The following RAP1GAP2 variants were observed in gnomAD, a reference collection of about 807,000 sequenced individuals.
RAP1GAP2 encodes RAP1 GTPase activating protein 2.
Under a neutral mutation model 95.0 loss-of-function variants are expected in RAP1GAP2, and 27 were observed. That is an observed-to-expected ratio of 0.28 (90% CI 0.21 to 0.39). The LOEUF is 0.39. Among genes scored for constraint, RAP1GAP2 ranks in the 10% least tolerant of loss-of-function variants. The probability of loss-of-function intolerance (pLI) is 1.00; values close to 1 mark genes in which losing one functional copy is unlikely to be tolerated. For missense variants in RAP1GAP2, 771 were observed against 970.0 expected (o/e 0.79, Z 2.72); for synonymous variants, 373 against 380.9 (o/e 0.98, Z 0.24).
intron 1 of RAP1GAP2, among the ~76,000 whole-genome samples, chr17:2,779,263 G>A (rs1224566192): frequency 6.6e-6 from 1 of 152,236 alleles, no homozygotes; most frequent in African/African-American, 2.4e-5. Context: ...TTAGCTGGGT[G>A]TTTTAAGTGT....
chr17:2,943,678 C>CAAA (rs59361947), intron 3 of RAP1GAP2, among the ~76,000 whole-genome samples: 4 of 151,756 alleles, frequency 2.6e-5, no homozygotes, highest in African/African-American at 9.7e-5. Flanking sequence ...AACAAACAAA[C>CAAA]AAAAAAAAAC....
Position 2,937,989 on chromosome 17 carries a change from C to T in RAP1GAP2, c.166-19770C>T, listed in dbSNP as rs552010635. Among the ~76,000 whole-genome samples, 218 of 152,172 alleles carry T rather than the reference C, an allele frequency of 1.4e-3. 1 individual carries two copies. The highest frequency in any genetic ancestry group is 2.5e-3 in the Non-Finnish European group (170 of 68,034). ...GAGCTGAAGCAAGCACAGGATAGGG[C>T]TGTGCTGGAGAGAGGAGACGGGCTT... On this transcript the variant is annotated intron_variant, in intron 3 of 24. Coordinates refer to ENST00000254695, the MANE Select transcript of RAP1GAP2 (RefSeq NM_015085.5).
chr17:2,806,303 G>T (rs1054576671), intron 2 of RAP1GAP2, among the ~76,000 whole-genome samples: 1 of 152,130 alleles, frequency 6.6e-6, no homozygotes, highest in African/African-American at 2.4e-5. Flanking sequence ...AGTGTCAGCT[G>T]CTGGAGACAT....
chr17:3,027,206 G>A lies in RAP1GAP2; in HGVS notation c.2107+136G>A. 8.9e-7 allele frequency: 1 copy of A among 1,128,360 alleles called. No individual in the cohort carries two copies. The highest frequency in any genetic ancestry group is 1.2e-6 in the Non-Finnish European group (1 of 830,390). The allele number at this position is 1,128,360 out of a possible 1,614,324, so 69.9% of individuals were successfully genotyped here. ...CCAGCTGTGAGGCCCTCCGCTCTGT[G>A]CGCCCGCCTCTTCTGTTCATCAGCC... On this transcript the variant is annotated intron_variant, in intron 22 of 24. Coordinates refer to ENST00000254695, the MANE Select transcript of RAP1GAP2 (RefSeq NM_015085.5). This position sits in a 1 kb window ranked among gnomAD's most constrained non-coding sequence, Gnocchi z 5.2.
At chr17:2,781,654 AGGT>A (rs2068654248) in intron 1 of RAP1GAP2, among the ~76,000 whole-genome samples, 1 of 126,226 alleles carries the variant, frequency 7.9e-6, no homozygotes, top group South Asian at 2.5e-4. Context: ...CTGTGTGTGC[AGGT>A]CTCTGTGTGG....
chr17:2,766,583 T>C (rs1468888637), intron 1 of RAP1GAP2, among the ~76,000 whole-genome samples: 1 of 151,372 alleles, frequency 6.6e-6, no homozygotes, highest in Non-Finnish European at 1.5e-5. Context: ...GCACTCCAGC[T>C]CAGGTGACAG....
upstream of RAP1GAP2, among the ~76,000 whole-genome samples, chr17:2,775,062 C>A (rs370171332): frequency 3.3e-5 from 5 of 151,414 alleles, no homozygotes; most frequent in East Asian, 5.9e-4. Context: ...GAACTCCTGA[C>A]CTTAAATGAT....
At chr17:2,757,026 C>T (rs2151752204) in intron 1 of RAP1GAP2, among the ~76,000 whole-genome samples, 1 of 152,324 alleles carries the variant, frequency 6.6e-6, no homozygotes, top group South Asian at 2.1e-4. Flanking sequence ...CAGGAGGTGC[C>T]AATGGGTTTC....
At chr17:2,852,179 T>C (rs952052259) in intron 2 of RAP1GAP2, among the ~76,000 whole-genome samples, 13 of 152,314 alleles carry the variant, frequency 8.5e-5, no homozygotes, top group Admixed American at 3.3e-4. Context: ...TTTATTCTTT[T>C]TCCAGACCAA....
chr17:2,995,721 G>GT (rs1422566942), intron 13 of RAP1GAP2, among the ~76,000 whole-genome samples: 1 of 150,518 alleles, frequency 6.6e-6, no homozygotes, highest in Non-Finnish European at 1.5e-5. Flanking sequence ...CAGAGCTTGT[G>GT]TTTCTTCCAC....
At chr17:2,996,273 G>A (rs1423406547) in intron 13 of RAP1GAP2, among the ~76,000 whole-genome samples, 2 of 152,174 alleles carry the variant, frequency 1.3e-5, no homozygotes, top group African/African-American at 4.8e-5. Flanking sequence ...CCCGTTTGCT[G>A]CTCTGACAGC....
intron 3 of RAP1GAP2, among the ~76,000 whole-genome samples, chr17:2,920,026 T>TTTTG (rs2042703914): frequency 7.0e-6 from 1 of 142,092 alleles, no homozygotes; most frequent in Non-Finnish European, 1.5e-5. Flanking sequence ...TTTTTTTTTT[T>TTTTG]GAGACAGGTT....
intron 3 of RAP1GAP2, among the ~76,000 whole-genome samples, chr17:2,952,981 T>C (rs970407942): frequency 3.3e-5 from 5 of 151,790 alleles, no homozygotes; most frequent in African/African-American, 1.2e-4. Flanking sequence ...ATTTTTGTTA[T>C]TTTTAGTAGA....
At chr17:2,973,005 T>C (rs982844367) in intron 8 of RAP1GAP2, among the ~76,000 whole-genome samples, 17 of 152,174 alleles carry the variant, frequency 1.1e-4, no homozygotes, top group Non-Finnish European at 2.2e-4. Flanking sequence ...GGGATCATTA[T>C]AGGCTAGTGA....
rs1475267891 is a variant in RAP1GAP2 at position 2,820,891 on chromosome 17, G to GTTTTTTTTT, written c.80+20341_80+20342insTTTTTTTTT. Among the ~76,000 whole-genome samples the GTTTTTTTTT allele has an allele frequency of 1.2e-3, 134 of 113,952 alleles. 1 individual carries two copies. Among genetic ancestry groups the GTTTTTTTTT allele is most frequent in the Admixed American group, 2.0e-3 (20 of 9,796 alleles). 74.8% of individuals were successfully genotyped at this position (113,952 alleles called of 152,430 possible). A position where few individuals can be genotyped will look rare whatever the true frequency, so the allele number is the denominator to read the frequency against. ...TGCCCGCCACCACGGCCCGGATAAT[G>GTTTTTTTTT]GTTTTTTTTTTTTTTTTTGTATTTT... On this transcript the variant is annotated intron_variant, in intron 2 of 24. Transcript: ENST00000254695.
Position 2,963,220 on chromosome 17 carries a change from G to A in RAP1GAP2, c.247-210G>A. The A allele has an allele frequency of 1.6e-6, 1 of 635,154 alleles. No homozygotes were observed. The highest frequency in any genetic ancestry group is 2.8e-5 in the East Asian group (1 of 36,192). 39.3% of individuals were successfully genotyped at this position (635,154 alleles called of 1,614,324 possible). ...AGCACCTTCGGACACTGCATCATCAGCTGGCAGGGTTTATGTTTGGGTTCT... is the reference window on the plus strand; with the variant it reads ...AGCACCTTCGGACACTGCATCATCAACTGGCAGGGTTTATGTTTGGGTTCT... On this transcript the variant is annotated intron_variant, in intron 5 of 24. Transcript: ENST00000254695. This position sits in a 1 kb window ranked among gnomAD's most constrained non-coding sequence, Gnocchi z 4.8.
intron 1 of RAP1GAP2, among the ~76,000 whole-genome samples, chr17:2,791,350 G>A (rs561913112): frequency 3.6e-4 from 55 of 152,240 alleles, no homozygotes; most frequent in Non-Finnish European, 5.6e-4. Flanking sequence ...AGCAGGCTCT[G>A]GGAAGCGTTT....
chr17:2,964,991 T>C (rs1181876829), intron 7 of RAP1GAP2: 2 of 154,702 alleles, frequency 1.3e-5, no homozygotes, highest in South Asian at 2.0e-4. Context: ...TGGGGAGCTG[T>C]GTTTTTCGCC....
At chr17:3,026,518 C>A (rs759998726) in intron 21 of RAP1GAP2, 54 bp downstream of exon 21, 40 of 1,359,520 alleles carry the variant, frequency 2.9e-5, no homozygotes, top group Admixed American at 1.4e-4. Flanking sequence ...CAGCCAGCCA[C>A]CCTCCTTGCA....
Sources: allele counts gnomAD v4.1 joint callset (sites outside exome capture counted in the v4.1 genomes callset), GRCh38; gene constraint gnomAD v4.1.1; non-coding constraint Gnocchi (gnomAD v3.1); transcripts MANE v1.5; gene names NCBI Gene and HGNC (gene_info 2026-07-23, HGNC 2026-07-21).